The following RUFY3 variants were observed in gnomAD, a reference collection of about 807,000 sequenced individuals.
The protein encoded by RUFY3 is RUN and FYVE domain containing 3, also known as protein RUFY3.
A neutral mutation model predicts 84.0 loss-of-function variants in RUFY3; 34 were observed. The ratio of observed to expected loss-of-function variants is 0.40; its 90% CI spans 0.31 to 0.54. The LOEUF (loss-of-function observed/expected upper bound fraction) is 0.54. RUFY3 is among the 20% of genes least tolerant of loss of function. The pLI, the probability that RUFY3 is intolerant of heterozygous loss-of-function variation, is 0.39. For missense variants in RUFY3, 507 were observed against 736.8 expected, an observed-to-expected ratio of 0.69 and a Z score of 3.61; for synonymous variants, 242 against 252.9, an observed-to-expected ratio of 0.96 and a Z score of 0.41.
chr4:70,803,075 G>A (rs1732438645), intron 16 of RUFY3, 92 bp downstream of exon 16: 1 of 888,886 alleles, frequency 1.1e-6, no homozygotes. Flanking sequence ...ATGGGCGGAA[G>A]ATGAGTGAAT....
chr4:70,705,316 G>A, intron 1 of RUFY3: 6 of 1,343,750 alleles, frequency 4.5e-6, no homozygotes, highest in Non-Finnish European at 4.8e-6. Context: ...AGGGGCATGG[G>A]GACGCCCGCG....
chr4:70,708,860 A>G (rs1740650714), intron 1 of RUFY3, among the ~76,000 whole-genome samples: 1 of 152,110 alleles, frequency 6.6e-6, no homozygotes, highest in East Asian at 1.9e-4. Context: ...GCCTGTACAT[A>G]AGCAGACTCT....
intron 1 of RUFY3, among the ~76,000 whole-genome samples, chr4:70,757,744 C>T (rs1322632807): frequency 2.0e-5 from 3 of 151,950 alleles, no homozygotes; most frequent in African/African-American, 7.3e-5. Context: ...TTGTATTAAC[C>T]AACTGCGATA....
intron 15 of RUFY3, among the ~76,000 whole-genome samples, chr4:70,801,266 T>C (rs1225250900): frequency 5.9e-5 from 9 of 151,778 alleles, no homozygotes; most frequent in Non-Finnish European, 1.3e-4. Flanking sequence ...CTCTGTATGA[T>C]ACTATGATGG....
At chr4:70,711,660 A>G (rs1701246710) in intron 1 of RUFY3, among the ~76,000 whole-genome samples, 1 of 152,232 alleles carries the variant, frequency 6.6e-6, no homozygotes. Flanking sequence ...TCAGAAATGT[A>G]GCATCTTTCC....
At chr4:70,750,864 C>T (rs1723023549) in intron 1 of RUFY3, among the ~76,000 whole-genome samples, 1 of 152,114 alleles carries the variant, frequency 6.6e-6, no homozygotes, top group African/African-American at 2.4e-5. Context: ...TGTCAGGCTT[C>T]TTTCACTTAG....
intron 1 of RUFY3, among the ~76,000 whole-genome samples, chr4:70,733,075 G>GAA (rs975449348): frequency 2.7e-4 from 23 of 86,454 alleles, no homozygotes; most frequent in African/African-American, 8.4e-4. Flanking sequence ...TCAAAAGAAA[G>GAA]AGAGAGAGAG....
intron 1 of RUFY3, among the ~76,000 whole-genome samples, chr4:70,727,259 T>A (rs1331143834): frequency 1.6e-5 from 2 of 124,568 alleles, no homozygotes; most frequent in African/African-American, 9.0e-5. Context: ...ATTTTTGCGA[T>A]TTTTTTTAAG....
Position 70,764,499 on chromosome 4 carries a change from C to G in RUFY3, c.495C>G (p.Ala165=), listed in dbSNP as rs1439214118. 6.2e-7 allele frequency: 1 copy of G among 1,613,482 alleles called. No homozygotes were observed. Among genetic ancestry groups the G allele is most frequent in the South Asian group, 1.1e-5 (1 of 90,984 alleles). The part of the protein sequence containing the change: ...GLKTPVGRGR[A]WLRLALMQKK... ...GGACACCAGTAGGTAGAGGAAGAGC[C>G]TGGCTTCGTTTGGCATTAATGCAAA... The change falls in exon 4 of 18, where the codon GCC becomes GCG. Residue 165 remains alanine, a synonymous_variant. Transcript: ENST00000381006.
intron 10 of RUFY3, 52 bp from the exon 11 acceptor site, chr4:70,788,754 G>C: frequency 6.3e-7 from 1 of 1,596,254 alleles, no homozygotes; most frequent in Non-Finnish European, 8.6e-7. Context: ...ATTATGGTTT[G>C]TACTTAGTTG....
Position 70,792,108 on chromosome 4 carries a change from T to TA in RUFY3, c.1338-1672dup, listed in dbSNP as rs1263498841. On this transcript the variant is annotated intron_variant, in intron 12 of 17. Coordinates refer to ENST00000381006, the MANE Select transcript of RUFY3 (RefSeq NM_001037442.4). ...GGCAGTTCAGAGAGAACAATTCTAA[T>TA]AAAAACACTCCTCTCCTATTAACAA... 2.4e-5 allele frequency: 24 copies of TA among 985,684 alleles called. No individual in the cohort carries two copies. The African/African-American group carries it at 3.8e-4, about 16-fold the overall frequency. 61.1% of individuals were successfully genotyped at this position (985,684 alleles called of 1,614,324 possible).
chr4:70,804,015 G>A (rs530711477), intron 16 of RUFY3, among the ~76,000 whole-genome samples: 4 of 152,196 alleles, frequency 2.6e-5, no homozygotes, highest in East Asian at 1.9e-4. Flanking sequence ...CATTACAGGC[G>A]TGAGCCACCA....
chr4:70,705,436 C>G (rs972091153), intron 1 of RUFY3: 26 of 544,902 alleles, frequency 4.8e-5, no homozygotes, highest in Middle Eastern at 5.4e-4. Flanking sequence ...AGGGGCTACC[C>G]TCGGGAAGCT....
At chr4:70,734,369 C>T (rs1358946878) in intron 1 of RUFY3, 2 of 984,590 alleles carry the variant, frequency 2.0e-6, no homozygotes, top group African/African-American at 3.5e-5. Context: ...GGTGAGATTA[C>T]AGAAACATTT....
chr4:70,705,630 C>T (rs1024933356), intron 1 of RUFY3, among the ~76,000 whole-genome samples: 2 of 152,172 alleles, frequency 1.3e-5, no homozygotes, highest in Non-Finnish European at 2.9e-5. Flanking sequence ...GCCTGCCTGC[C>T]CCCCTCCACC....
chr4:70,751,323 G>A (rs896645137), intron 1 of RUFY3, among the ~76,000 whole-genome samples: 1 of 152,180 alleles, frequency 6.6e-6, no homozygotes, highest in Non-Finnish European at 1.5e-5. Flanking sequence ...TAACTCATAT[G>A]TTTAATTTTT....
At chr4:70,707,764 A>C (rs1740507916) in intron 1 of RUFY3, among the ~76,000 whole-genome samples, 1 of 146,360 alleles carries the variant, frequency 6.8e-6, no homozygotes, top group Admixed American at 6.6e-5. Context: ...ATTGATTCAA[A>C]ATAGTTTTTT....
intron 1 of RUFY3, among the ~76,000 whole-genome samples, chr4:70,708,990 TGAG>T (rs1740670300): frequency 2.0e-5 from 3 of 152,178 alleles, no homozygotes; most frequent in Admixed American, 2.0e-4. Flanking sequence ...TCTGGGAAGT[TGAG>T]GATGCAGTGA....
At chr4:70,746,914 T>G (rs1018185847) in intron 1 of RUFY3, among the ~76,000 whole-genome samples, 1 of 152,130 alleles carries the variant, frequency 6.6e-6, no homozygotes, top group Non-Finnish European at 1.5e-5. Context: ...CAAGGAGAGA[T>G]GTGGGCATGG....
Sources: allele counts gnomAD v4.1 joint callset (sites outside exome capture counted in the v4.1 genomes callset), GRCh38; gene constraint gnomAD v4.1.1; transcripts MANE v1.5; gene names NCBI Gene and HGNC (gene_info 2026-07-23, HGNC 2026-07-21).